KIAA1328: variants seen among roughly 807,000 people sequenced by gnomAD.
KIAA1328 encodes the protein protein hinderin.
A neutral mutation model predicts 68.1 loss-of-function variants in KIAA1328; 52 were observed. The ratio of observed to expected loss-of-function variants is 0.76; its 90% CI spans 0.61 to 0.96. The LOEUF is 0.96. Ranked by LOEUF, KIAA1328 falls within the 40% of genes least tolerant of loss-of-function variation. The pLI, the probability that KIAA1328 is intolerant of heterozygous loss-of-function variation, is 0.00. For synonymous variants in KIAA1328, 232 were observed against 239.4 expected, an observed-to-expected ratio of 0.97 and a Z score of 0.28; for missense variants, 641 against 677.6, an observed-to-expected ratio of 0.95 and a Z score of 0.60.
At chr18:37,070,448 T>C (rs2056484972) in intron 7 of KIAA1328, among the ~76,000 whole-genome samples, 1 of 152,190 alleles carries the variant, frequency 6.6e-6, no homozygotes. Context: ...TTTTTCCTAT[T>C]AGTTCTATTA....
chr18:37,140,837 T>A (rs963683156), intron 7 of KIAA1328, among the ~76,000 whole-genome samples: 3 of 152,190 alleles, frequency 2.0e-5, no homozygotes, highest in African/African-American at 7.2e-5. Flanking sequence ...AAATAATTCA[T>A]TGTATGCATT....
At chr18:36,982,429 T>A (rs2052731426) in intron 6 of KIAA1328, among the ~76,000 whole-genome samples, 2 of 150,450 alleles carry the variant, frequency 1.3e-5, no homozygotes. Flanking sequence ...ATGGAAAAAA[T>A]GATAAATATG....
At chr18:36,977,397 G>GT (rs1176739012) in intron 6 of KIAA1328, among the ~76,000 whole-genome samples, 17 of 152,264 alleles carry the variant, frequency 1.1e-4, no homozygotes, top group African/African-American at 4.1e-4. Context: ...TTTACACAGT[G>GT]TTCAGAGCTC....
At chr18:36,992,093 CT>C (rs1305689269) in intron 6 of KIAA1328, among the ~76,000 whole-genome samples, 2 of 152,112 alleles carry the variant, frequency 1.3e-5, no homozygotes, top group Non-Finnish European at 2.9e-5. Flanking sequence ...TTTTTGCCCA[CT>C]TTTCTTTTTA....
intron 9 of KIAA1328, among the ~76,000 whole-genome samples, chr18:37,200,930 T>C (rs1465990265): frequency 6.6e-6 from 1 of 152,128 alleles, no homozygotes; most frequent in African/African-American, 2.4e-5. Flanking sequence ...ATCTTTCTTC[T>C]TGAAAGCATT....
rs552845930 is a variant in KIAA1328 at position 37,023,352 on chromosome 18, C to CT, written c.577-43537dup. 1.4e-4 allele frequency among the ~76,000 whole-genome samples: 22 copies of CT among 152,228 alleles called. No individual in the cohort carries two copies. In the South Asian group the frequency reaches 4.6e-3, roughly 32 times the overall value. On this transcript the variant is annotated intron_variant, in intron 6 of 9. Coordinates refer to ENST00000280020, the MANE Select transcript of KIAA1328 (RefSeq NM_020776.3). Reference sequence around the variant, plus strand: ...ACCTCAGCCCCCCAAGTAGCTGGGACTGCAGGCATGTGCCACTAAGCCAGA... The same window carrying CT: ...ACCTCAGCCCCCCAAGTAGCTGGGACTTGCAGGCATGTGCCACTAAGCCAGA...
chr18:37,112,985 G>A (rs1271590734), intron 7 of KIAA1328, among the ~76,000 whole-genome samples: 1 of 152,128 alleles, frequency 6.6e-6, no homozygotes, highest in Admixed American at 6.5e-5. Context: ...AATGAAAAAA[G>A]CCTCCAAGAA....
chr18:36,860,679 T>C (rs1448133670), intron 4 of KIAA1328, among the ~76,000 whole-genome samples: 3 of 152,220 alleles, frequency 2.0e-5, no homozygotes, highest in Non-Finnish European at 2.9e-5. Flanking sequence ...CTCAGCATAA[T>C]GTCACTGCTC....
intron 5 of KIAA1328, among the ~76,000 whole-genome samples, chr18:36,904,194 T>C (rs1297967545): frequency 2.0e-5 from 3 of 152,150 alleles, no homozygotes; most frequent in Admixed American, 6.6e-5. Flanking sequence ...AGCATTATAT[T>C]TGCTGCTATA....
chr18:37,070,549 A>G (rs139293728), intron 7 of KIAA1328, among the ~76,000 whole-genome samples: 210 of 149,058 alleles, frequency 1.4e-3, no homozygotes, highest in African/African-American at 4.9e-3. Flanking sequence ...TCTTTTCACT[A>G]TGTAATGTCT....
chr18:36,892,970 G>A (rs2048739096), intron 5 of KIAA1328, among the ~76,000 whole-genome samples: 1 of 151,962 alleles, frequency 6.6e-6, no homozygotes, highest in South Asian at 2.1e-4. Context: ...TACTTACCTA[G>A]GTGACCGTAC....
At chr18:37,219,454 A>C (rs1228459757) in intron 9 of KIAA1328, among the ~76,000 whole-genome samples, 1 of 152,206 alleles carries the variant, frequency 6.6e-6, no homozygotes, top group Non-Finnish European at 1.5e-5. Flanking sequence ...AGAGGCAGGC[A>C]GGCCTCGTTG....
chr18:36,859,478 C>G (rs1331028846), intron 4 of KIAA1328, among the ~76,000 whole-genome samples: 1 of 151,770 alleles, frequency 6.6e-6, no homozygotes, highest in African/African-American at 2.4e-5. Context: ...TCAGTTCCCT[C>G]CCTCACTCCC....
In KIAA1328 at chr18:36,953,850, G is replaced by A. The variant is rs116653078; in HGVS notation, c.449-5458G>A. Among the ~76,000 whole-genome samples, 564 of 152,114 alleles carry A rather than the reference G, an allele frequency of 3.7e-3. 2 individuals are homozygous for A. Among genetic ancestry groups the A allele is most frequent in the African/African-American group, 0.013 (549 of 41,486 alleles). On this transcript the variant is annotated intron_variant, in intron 5 of 9. Transcript: ENST00000280020. ...GAACAAGGATTCAGTTGTGCTTCATGGGTTGCATTTGGTTGTGTCTTTGGT... is the reference window on the plus strand; with the variant it reads ...GAACAAGGATTCAGTTGTGCTTCATAGGTTGCATTTGGTTGTGTCTTTGGT...
At chr18:37,208,072 G>A (rs1305843552) in intron 9 of KIAA1328, among the ~76,000 whole-genome samples, 2 of 152,134 alleles carry the variant, frequency 1.3e-5, no homozygotes, top group African/African-American at 4.8e-5. Flanking sequence ...GCCTCCCAAA[G>A]TGCTAGGATT....
chr18:36,870,931 C>T (rs1233223260), intron 4 of KIAA1328, among the ~76,000 whole-genome samples: 1 of 152,176 alleles, frequency 6.6e-6, no homozygotes, highest in African/African-American at 2.4e-5. Flanking sequence ...AAGGGGCTCC[C>T]CACTCTTACC....
At chr18:36,999,363 G>A (rs1313458106) in intron 6 of KIAA1328, among the ~76,000 whole-genome samples, 2 of 152,186 alleles carry the variant, frequency 1.3e-5, no homozygotes, top group African/African-American at 4.8e-5. Context: ...TGAGACAATA[G>A]GTGACAACTT....
intron 6 of KIAA1328, among the ~76,000 whole-genome samples, chr18:36,965,018 T>C (rs1365499471): frequency 6.6e-6 from 1 of 152,164 alleles, no homozygotes; most frequent in Non-Finnish European, 1.5e-5. Context: ...CTGTTTGTAA[T>C]AAGAGAAAGC....
intron 5 of KIAA1328, among the ~76,000 whole-genome samples, chr18:36,907,439 CT>C (rs1357679326): frequency 6.6e-6 from 1 of 151,976 alleles, no homozygotes; most frequent in Non-Finnish European, 1.5e-5. Context: ...ACATAGATAC[CT>C]TTATTTAGAT....
Sources: gnomAD v4.1 joint callset for allele counts (sites outside exome capture counted in the v4.1 genomes callset) on GRCh38, gnomAD v4.1.1 for gene constraint, MANE v1.5 for transcripts, NCBI Gene and HGNC (gene_info 2026-07-23, HGNC 2026-07-21) for gene names.